Variants in COL4A5 observed in about 807,000 individuals in gnomAD.
COL4A5 encodes collagen type IV alpha 5 chain, also known as collagen alpha-5(IV) chain.
In COL4A5, 26 loss-of-function variants were observed where a neutral mutation model predicts 130.2. The ratio of observed to expected loss-of-function variants is 0.20; its 90% CI spans 0.15 to 0.28. The LOEUF (loss-of-function observed/expected upper bound fraction) is 0.28, where lower values mean the gene tolerates loss of function less well. Among genes scored for constraint, COL4A5 ranks in the 10% least tolerant of loss-of-function variants. The pLI, the probability that COL4A5 is intolerant of heterozygous loss-of-function variation, is 1.00. For missense variants in COL4A5, 1,131 were observed against 1,344.3 expected, an observed-to-expected ratio of 0.84 and a Z score of 2.48; for synonymous variants, 496 against 439.6, an observed-to-expected ratio of 1.13 and a Z score of -1.60.
intron 50 of COL4A5, chrX:108,693,908 A>G (rs747901221): frequency 9.0e-6 from 1 of 111,717 alleles, no homozygotes; most frequent in African/African-American, 3.2e-5. Flanking sequence ...GGATTTCAAT[A>G]ACCATAAAGG....
At position 108,622,598 on chromosome X, in the gene COL4A5, C is replaced by T. The variant is rs2067077877; in HGVS notation, c.2768-78C>T. ...GCCAGTGGCCTACTCAACTATGAAA[C>T]ATATCAATAATCTTTATATGCATTA... On this transcript the variant is annotated intron_variant, in intron 32 of 52. Coordinates refer to ENST00000328300, the MANE Select transcript of COL4A5 (RefSeq NM_033380.3). 2.7e-6 allele frequency: 3 copies of T among 1,092,994 alleles called. No individual in the cohort carries two copies. The East Asian group carries it at 9.0e-5, about 33-fold the overall frequency. The allele number at this position is 1,092,994 out of a possible 1,213,427, so 90.1% of individuals were successfully genotyped here.
intron 36 of COL4A5, among the ~76,000 whole-genome samples, chrX:108,645,256 G>T (rs1603304200): frequency 9.0e-6 from 1 of 110,877 alleles, no homozygotes; most frequent in Non-Finnish European, 1.9e-5. Context: ...AAACAAAAAA[G>T]AATTGCAAAA....
At chrX:108,482,369 C>T (rs1312413062) in intron 1 of COL4A5, among the ~76,000 whole-genome samples, 3 of 111,412 alleles carry the variant, frequency 2.7e-5, no homozygotes, top group African/African-American at 9.8e-5. Flanking sequence ...TCAACATTAT[C>T]TTGCCTGGCA....
At chrX:108,494,111 AT>A (rs1287867534) in intron 1 of COL4A5, among the ~76,000 whole-genome samples, 1 of 111,582 alleles carries the variant, frequency 9.0e-6, no homozygotes, top group African/African-American at 3.2e-5. Context: ...TTTTAAGTCT[AT>A]TTTTTGACCT....
intron 1 of COL4A5, among the ~76,000 whole-genome samples, chrX:108,494,744 A>G (rs2050347725): frequency 9.0e-6 from 1 of 111,555 alleles, no homozygotes; most frequent in Admixed American, 9.5e-5. Context: ...CAGATTCTAT[A>G]CTGAAGAAAT....
intron 50 of COL4A5, 98 bp from the exon 51 acceptor site, chrX:108,694,709 A>C: frequency 3.2e-6 from 2 of 633,924 alleles, no homozygotes; most frequent in Non-Finnish European, 5.3e-6. Context: ...AGAGACATTA[A>C]TCGGCTTCCA....
chrX:108,459,108 T>A (rs1345970590), intron 1 of COL4A5, among the ~76,000 whole-genome samples: 5 of 112,514 alleles, frequency 4.4e-5, no homozygotes, highest in African/African-American at 1.6e-4. Flanking sequence ...TATCGTGTTT[T>A]ATTTTCTTTC....
chrX:108,576,177 G>A (rs952580520), intron 10 of COL4A5, among the ~76,000 whole-genome samples: 2 of 111,483 alleles, frequency 1.8e-5, no homozygotes, highest in African/African-American at 6.5e-5. Context: ...GGAAAAATGA[G>A]GTATATAAAA....
Position 108,627,301 on chromosome X carries a change from T to A in COL4A5, c.3246+952T>A, listed in dbSNP as rs991973581. Reference sequence around the variant, plus strand: ...GAGTGAAAATCTTCTTCATGCCCCATCCTCTTTTTACCATTCCTTTCCTCA... The same window carrying A: ...GAGTGAAAATCTTCTTCATGCCCCAACCTCTTTTTACCATTCCTTTCCTCA... On this transcript the variant is annotated intron_variant, in intron 36 of 52. Coordinates refer to ENST00000328300, the MANE Select transcript of COL4A5 (RefSeq NM_033380.3). 76 of 667,599 alleles carry A rather than the reference T, an allele frequency of 1.1e-4. No individual in the cohort carries two copies. In the African/African-American group the frequency reaches 1.8e-3, roughly 16 times the overall value. The allele number at this position is 667,599 out of a possible 1,213,427, so 55.0% of individuals were successfully genotyped here. A position where few individuals can be genotyped will look rare whatever the true frequency, so the allele number is the denominator to read the frequency against.
At chrX:108,562,119 A>G (rs188238158) in intron 3 of COL4A5, among the ~76,000 whole-genome samples, 12 of 111,947 alleles carry the variant, frequency 1.1e-4, no homozygotes, top group Non-Finnish European at 1.1e-4. Context: ...CAATCTATGC[A>G]TACTATTGGC....
intron 36 of COL4A5, among the ~76,000 whole-genome samples, chrX:108,636,931 T>C (rs1225624270): frequency 2.9e-5 from 3 of 103,699 alleles, no homozygotes; most frequent in Admixed American, 1.0e-4. Context: ...AGTTAGAAAA[T>C]GTAATGTCTT....
chrX:108,637,442 A>G (rs183601910), intron 36 of COL4A5, among the ~76,000 whole-genome samples: 4 of 111,860 alleles, frequency 3.6e-5, no homozygotes, highest in African/African-American at 1.3e-4. Context: ...AATAATAAAG[A>G]TTAGAGCAGA....
intron 36 of COL4A5, among the ~76,000 whole-genome samples, chrX:108,633,296 C>T (rs1003679603): frequency 2.2e-4 from 24 of 110,996 alleles, no homozygotes; most frequent in African/African-American, 7.5e-4. Flanking sequence ...CTTCTATATC[C>T]TGAGATTATA....
intron 1 of COL4A5, among the ~76,000 whole-genome samples, chrX:108,485,238 T>C (rs1259324955): frequency 8.9e-6 from 1 of 112,118 alleles, no homozygotes; most frequent in Non-Finnish European, 1.9e-5. Context: ...CAAAATGCTG[T>C]GCAAAAGCCA....
chrX:108,524,298 T>A (rs2065292933), intron 1 of COL4A5, among the ~76,000 whole-genome samples: 1 of 111,299 alleles, frequency 9.0e-6, no homozygotes, highest in African/African-American at 3.3e-5. Context: ...TAGCGTTAGC[T>A]GTGGGTTTTT....
At chrX:108,580,957 C>T (rs760141217) in intron 15 of COL4A5, 26 bp from the exon 16 acceptor site, 3 of 1,188,989 alleles carry the variant, frequency 2.5e-6, no homozygotes, top group Non-Finnish European at 3.4e-6. Flanking sequence ...TATGTTGTTG[C>T]CCTATCATTT....
chrX:108,533,568 A>G (rs2065414913), intron 1 of COL4A5, among the ~76,000 whole-genome samples: 1 of 111,123 alleles, frequency 9.0e-6, no homozygotes, highest in Admixed American at 9.6e-5. Flanking sequence ...TAAGACCTGA[A>G]AATATAAAAC....
chrX:108,611,633 A>AT (rs2066837131), intron 29 of COL4A5, among the ~76,000 whole-genome samples: 1 of 111,300 alleles, frequency 9.0e-6, no homozygotes, highest in Non-Finnish European at 1.9e-5. Context: ...CCAGGAATCT[A>AT]TTTTTTTAAA....
intron 1 of COL4A5, 58 bp from the exon 2 acceptor site, chrX:108,539,688 A>AGAG: frequency 1.0e-6 from 1 of 955,880 alleles, no homozygotes; most frequent in Admixed American, 2.2e-5. Context: ...GCTGTAAGTC[A>AGAG]GAGTCTGATT....
Sources: gnomAD v4.1 joint callset for allele counts (sites outside exome capture counted in the v4.1 genomes callset) on GRCh38, gnomAD v4.1.1 for gene constraint, MANE v1.5 for transcripts, NCBI Gene and HGNC (gene_info 2026-07-23, HGNC 2026-07-21) for gene names.